The following FKTN variants were observed in gnomAD, a reference collection of about 807,000 sequenced individuals.
The protein encoded by FKTN is fukutin.
In FKTN, 47 loss-of-function variants were observed where a neutral mutation model predicts 58.6. The observed-to-expected ratio is 0.80, with a 90% CI of 0.63 to 1.02. FKTN has a LOEUF of 1.02. Among genes scored for constraint, FKTN ranks in the 50% least tolerant of loss-of-function variants. The probability of loss-of-function intolerance (pLI) is 0.00; values close to 1 mark genes in which losing one functional copy is unlikely to be tolerated. For synonymous variants in FKTN, 178 were observed against 191.9 expected, an observed-to-expected ratio of 0.93 and a Z score of 0.60; for missense variants, 516 against 537.3, an observed-to-expected ratio of 0.96 and a Z score of 0.39.
Position 105,639,597 on chromosome 9 carries a change from A to T in FKTN, c.*4333A>T, listed in dbSNP as rs1038684681. On this transcript the variant is annotated 3_prime_UTR_variant, in exon 11 of 11. Coordinates refer to ENST00000357998, the MANE Select transcript of FKTN (RefSeq NM_001079802.2). Reference sequence around the variant, plus strand: ...TGGAATTATAGAAACCATGGGTCAGAACATATTCCTTTACTCAAAAGATTG... The same window carrying T: ...TGGAATTATAGAAACCATGGGTCAGTACATATTCCTTTACTCAAAAGATTG... 2.0e-6 allele frequency: 2 copies of T among 980,422 alleles called. No homozygotes were observed. The highest frequency in any genetic ancestry group is 3.5e-5 in the African/African-American group (2 of 57,102). The allele number at this position is 980,422 out of a possible 1,614,324, so 60.7% of individuals were successfully genotyped here.
intron 1 of FKTN, among the ~76,000 whole-genome samples, chr9:105,571,244 G>A (rs951351255): frequency 6.6e-6 from 1 of 152,112 alleles, no homozygotes; most frequent in Non-Finnish European, 1.5e-5. Context: ...AGTGAAGAAG[G>A]AAGGAATTGA....
chr9:105,606,649 A>G (rs766097436), intron 6 of FKTN, among the ~76,000 whole-genome samples: 2 of 150,260 alleles, frequency 1.3e-5, no homozygotes, highest in African/African-American at 2.4e-5. Flanking sequence ...TGAGAAGTGT[A>G]AGAGTATGTT....
At position 105,637,469 on chromosome 9, in the gene FKTN, C is replaced by G; in HGVS notation, c.*2205C>G. 1 of 985,442 alleles carries G rather than the reference C, an allele frequency of 1.0e-6. No homozygotes were observed. Among genetic ancestry groups the G allele is most frequent in the Non-Finnish European group, 1.2e-6 (1 of 829,952 alleles). The allele number at this position is 985,442 out of a possible 1,614,324, so 61.0% of individuals were successfully genotyped here. Reference sequence around the variant, plus strand: ...CCACCCTAACTTGGGGAAACAAAAGCCTTCTCTAGAATCTGAAGGCCAGGC... The same window carrying G: ...CCACCCTAACTTGGGGAAACAAAAGGCTTCTCTAGAATCTGAAGGCCAGGC... On this transcript the variant is annotated 3_prime_UTR_variant, in exon 11 of 11. Transcript: ENST00000357998.
In FKTN at chr9:105,635,134, T is replaced by C; in HGVS notation, c.1256T>C (p.Ile419Thr). Residue 419 changes from isoleucine (I) to threonine (T), a missense_variant, in exon 11 of 11, where the codon ATT becomes ACT. By Grantham distance (89) the Ile-to-Thr change is moderately conservative. Transcript: ENST00000357998. Reference protein sequence around the residue: ...VHVPCETLEYIEANYGKTWKI... With the variant: ...VHVPCETLEYTEANYGKTWKI... Reference sequence around the variant, plus strand: ...GTACCCTGTGAAACCCTCGAATACATTGAAGCCAACTATGGTAAGACCTGG... The same window carrying C: ...GTACCCTGTGAAACCCTCGAATACACTGAAGCCAACTATGGTAAGACCTGG... 2 of 1,614,148 alleles carry C rather than the reference T, an allele frequency of 1.2e-6. No individual in the cohort carries two copies. The highest frequency in any genetic ancestry group is 1.7e-6 in the Non-Finnish European group (2 of 1,179,996).
Position 105,601,314 on chromosome 9 carries a change from C to T in FKTN, c.335C>T (p.Ala112Val). 5 of 1,610,620 alleles carry T rather than the reference C, an allele frequency of 3.1e-6. No individual in the cohort carries two copies. Among genetic ancestry groups the T allele is most frequent in the Non-Finnish European group, 4.2e-6 (5 of 1,178,568 alleles). ...TTCTGTGTTCCAAGAGACTTTACTG[C>T]ATTTGCACTGCAGTATCACCTATGG... ...KFFCVPRDFT[A>V]FALQYHLWKN... is the part of the protein sequence containing the mutation. Residue 112 changes from alanine to valine, a missense_variant, in exon 5 of 11, where the codon GCA becomes GTA. Ala to Val is a moderately conservative substitution (Grantham distance 64). Coordinates refer to ENST00000357998, the MANE Select transcript of FKTN (RefSeq NM_001079802.2).
chr9:105,568,122 A>C (rs959589651), intron 1 of FKTN, among the ~76,000 whole-genome samples: 2 of 152,142 alleles, frequency 1.3e-5, no homozygotes, highest in East Asian at 3.8e-4. Context: ...CCTTCCTTAC[A>C]CCTTATACAA....
intron 1 of FKTN, among the ~76,000 whole-genome samples, chr9:105,563,910 G>A (rs1162983610): frequency 2.0e-5 from 3 of 152,204 alleles, no homozygotes; most frequent in African/African-American, 7.2e-5. Context: ...CACAGTAGGG[G>A]CAGACTGACA....
At chr9:105,590,904 G>A (rs369869270) in intron 3 of FKTN, among the ~76,000 whole-genome samples, 16 of 152,078 alleles carry the variant, frequency 1.1e-4, no homozygotes, top group East Asian at 1.9e-4. Flanking sequence ...ACTTACAATC[G>A]TGGCAGCAGG....
chr9:105,577,901 A>G (rs1197689630), intron 3 of FKTN, among the ~76,000 whole-genome samples: 1 of 150,966 alleles, frequency 6.6e-6, no homozygotes, highest in Non-Finnish European at 1.5e-5. Context: ...TGTAAGTTGG[A>G]TTCCTAGGTA....
At position 105,615,365 on chromosome 9, in the gene FKTN, A is replaced by G. The variant is rs1438288380; in HGVS notation, c.868A>G (p.Lys290Glu). Residue 290 changes from lysine (K) to glutamate (E), a missense_variant, in exon 8 of 11, where the codon AAA (lysine) becomes GAA (glutamate). Lys to Glu is a moderately conservative substitution (Grantham distance 56). Coordinates refer to ENST00000357998, the MANE Select transcript of FKTN (RefSeq NM_001079802.2). ...LLQLAAKTLN[K>E]LGVPFWLSSG... ...GCAACTAGCAGCGAAAACATTAAAC[A>G]AATTGGGAGTACCATTCTGGCTGAG... The G allele has an allele frequency of 6.2e-7, 1 of 1,614,070 alleles. No homozygotes were observed. The highest frequency in any genetic ancestry group is 8.5e-7 in the Non-Finnish European group (1 of 1,179,916).
At chr9:105,566,972 G>T (rs1564194693) in intron 1 of FKTN, among the ~76,000 whole-genome samples, 1 of 152,116 alleles carries the variant, frequency 6.6e-6, no homozygotes, top group Non-Finnish European at 1.5e-5. Flanking sequence ...TCATCCCCAG[G>T]ATGCAAGGCT....
chr9:105,635,346 A>AC lies in FKTN; in HGVS notation c.*83dup. 1 of 1,592,540 alleles carries AC rather than the reference A, an allele frequency of 6.3e-7. No homozygotes were observed. The highest frequency in any genetic ancestry group is 8.5e-7 in the Non-Finnish European group (1 of 1,169,782). On this transcript the variant is annotated 3_prime_UTR_variant, in exon 11 of 11. Transcript: ENST00000357998. ...TAAAAAATACATGTCTATTTGTCAA[A>AC]CATAAGTGGGAACCAAAGAAAAAAT...
At chr9:105,575,743 C>A (rs891621885) in intron 3 of FKTN, among the ~76,000 whole-genome samples, 1 of 152,082 alleles carries the variant, frequency 6.6e-6, no homozygotes, top group African/African-American at 2.4e-5. Flanking sequence ...TAAAAACAAT[C>A]ATGGGGAAGA....
At chr9:105,630,406 G>C (rs1272081591) in intron 10 of FKTN, among the ~76,000 whole-genome samples, 1 of 152,090 alleles carries the variant, frequency 6.6e-6, no homozygotes, top group Non-Finnish European at 1.5e-5. Context: ...ATTCATTCGA[G>C]ACAGTGAATT....
chr9:105,581,745 G>A (rs1385405125), intron 3 of FKTN, among the ~76,000 whole-genome samples: 1 of 152,198 alleles, frequency 6.6e-6, no homozygotes, highest in Non-Finnish European at 1.5e-5. Context: ...CCTGGGCAAT[G>A]GCGGGCGCCC....
At chr9:105,580,484 G>T (rs1431584014) in intron 3 of FKTN, among the ~76,000 whole-genome samples, 1 of 128,914 alleles carries the variant, frequency 7.8e-6, no homozygotes, top group East Asian at 2.5e-4. Flanking sequence ...TAAGAATGTT[G>T]AATATTGGCC....
At position 105,615,339 on chromosome 9, in the gene FKTN, T is replaced by C. The variant is rs758509727; in HGVS notation, c.842T>C (p.Leu281Pro). ...TTTCGGAAGAGTGCAAAGGAATTAC[T>C]GCAACTAGCAGCGAAAACATTAAAC... ...VAFRKSAKEL[L>P]QLAAKTLNKL... Residue 281 changes from leucine to proline, a missense_variant, in exon 8 of 11, where the codon CTG becomes CCG. By Grantham distance (98) the Leu-to-Pro change is moderately conservative. Transcript: ENST00000357998. 1.2e-6 allele frequency: 2 copies of C among 1,613,816 alleles called. No homozygotes were observed. Among genetic ancestry groups the C allele is most frequent in the South Asian group, 1.1e-5 (1 of 91,080 alleles).
At chr9:105,567,581 C>T (rs1244241335) in intron 1 of FKTN, among the ~76,000 whole-genome samples, 3 of 152,178 alleles carry the variant, frequency 2.0e-5, no homozygotes, top group Non-Finnish European at 4.4e-5. Flanking sequence ...ATCCAACTTA[C>T]AAGGGATGTG....
chr9:105,589,349 T>C (rs934876696), intron 3 of FKTN, among the ~76,000 whole-genome samples: 2 of 151,936 alleles, frequency 1.3e-5, no homozygotes, highest in Admixed American at 6.6e-5. Flanking sequence ...AATACCAAAA[T>C]TAGCTGGGTG....
Sources: allele counts gnomAD v4.1 joint callset (sites outside exome capture counted in the v4.1 genomes callset), GRCh38; gene constraint gnomAD v4.1.1; transcripts MANE v1.5; gene names NCBI Gene and HGNC (gene_info 2026-07-23, HGNC 2026-07-21).